Variants in PDCL3 observed in about 807,000 individuals in gnomAD.
PDCL3 encodes the protein phosducin like 3.
Under a neutral mutation model 26.5 loss-of-function variants are expected in PDCL3, and 22 were observed. The ratio of observed to expected loss-of-function variants is 0.83; its 90% CI spans 0.59 to 1.19. The LOEUF (loss-of-function observed/expected upper bound fraction) is 1.19. Among genes scored for constraint, PDCL3 ranks in the 50% most tolerant of loss-of-function variants. The pLI is 0.00. For missense variants in PDCL3, 246 were observed against 294.1 expected (o/e 0.84, Z 1.20); for synonymous variants, 81 against 104.9 (o/e 0.77, Z 1.39).
intron 5 of PDCL3, 120 bp downstream of exon 5, chr2:100,571,918 A>ATGAGTGACTGTGTG (rs1675184617): frequency 1.2e-5 from 11 of 913,154 alleles, no homozygotes; most frequent in Non-Finnish European, 1.9e-5. Flanking sequence ...CTGCCTGTGT[A>ATGAGTGACTGTGTG]TGAGGACGGA....
At chr2:100,566,657 T>A (rs1458257243) in intron 2 of PDCL3, 28 bp downstream of exon 2, 1 of 1,612,496 alleles carries the variant, frequency 6.2e-7, no homozygotes, top group East Asian at 2.2e-5. Flanking sequence ...CCTCTGCACC[T>A]GTCTGGGTTA....
chr2:100,569,822 C>A (rs778538197), intron 4 of PDCL3, 101 bp downstream of exon 4: 87 of 1,377,536 alleles, frequency 6.3e-5, no homozygotes, highest in Non-Finnish European at 8.2e-5. Context: ...ATTTTTTTTT[C>A]TGGGCCAGGC....
intron 5 of PDCL3, among the ~76,000 whole-genome samples, chr2:100,574,454 T>A (rs1468679995): frequency 7.9e-5 from 12 of 152,008 alleles, no homozygotes; most frequent in Non-Finnish European, 1.6e-4. Flanking sequence ...TTTTTTTTTT[T>A]ACCCAGCATG....
intron 5 of PDCL3, among the ~76,000 whole-genome samples, chr2:100,573,913 T>G (rs1256340054): frequency 2.0e-5 from 3 of 152,172 alleles, no homozygotes; most frequent in African/African-American, 4.8e-5. Flanking sequence ...AACTTACATA[T>G]AACGATTGCT....
Position 100,566,509 on chromosome 2 carries a change from A to G in PDCL3, c.13A>G (p.Asn5Asp), listed in dbSNP as rs1370337871. MQDP[N>D]ADTEWNDILR... ...CTTGGTCCCGCTCTTCTAGGACCCC[A>G]ACGCAGACACTGAATGGAATGACAT... The change falls in exon 2 of 6, where the codon AAC becomes GAC. Residue 5 changes from asparagine (N) to aspartate (D), a missense_variant. Physicochemically the swap from Asn to Asp is conservative, Grantham distance 23 (BLOSUM62 1). Transcript: ENST00000264254. The G allele has an allele frequency of 6.2e-7, 1 of 1,612,288 alleles. No homozygotes were observed. The highest frequency in any genetic ancestry group is 8.5e-7 in the Non-Finnish European group (1 of 1,179,804).
intron 4 of PDCL3, among the ~76,000 whole-genome samples, chr2:100,570,096 C>T (rs1385227308): frequency 2.0e-5 from 3 of 152,002 alleles, no homozygotes; most frequent in Non-Finnish European, 4.4e-5. Flanking sequence ...GGCGACAGAG[C>T]GAGACTTTGT....
intron 5 of PDCL3, among the ~76,000 whole-genome samples, chr2:100,574,056 TGCAGTAGCA>T (rs1348567972): frequency 2.6e-5 from 4 of 152,196 alleles, no homozygotes; most frequent in Admixed American, 2.6e-4. Flanking sequence ...CAGGCTGGAG[TGCAGTAGCA>T]CTATCTTGGC....
chr2:100,564,903 G>C (rs972678952), intron 1 of PDCL3, among the ~76,000 whole-genome samples: 2 of 152,168 alleles, frequency 1.3e-5, no homozygotes, highest in African/African-American at 4.8e-5. Context: ...TGAGGATTCA[G>C]GGACAAGGTA....
intron 5 of PDCL3, among the ~76,000 whole-genome samples, chr2:100,574,432 C>T (rs984050068): frequency 4.6e-5 from 7 of 150,574 alleles, no homozygotes; most frequent in South Asian, 4.2e-4. Context: ...TACTCATCTT[C>T]GTGGAACACT....
chr2:100,565,009 C>G (rs546464514), intron 1 of PDCL3, among the ~76,000 whole-genome samples: 1 of 152,322 alleles, frequency 6.6e-6, no homozygotes, highest in East Asian at 1.9e-4. Flanking sequence ...ATTCTGTCAG[C>G]CAAGCCTCAT....
At chr2:100,574,856 T>C (rs1468248061) in intron 5 of PDCL3, among the ~76,000 whole-genome samples, 2 of 152,158 alleles carry the variant, frequency 1.3e-5, no homozygotes, top group Non-Finnish European at 2.9e-5. Context: ...AATCCTAGCA[T>C]GTTGGGAAGC....
At chr2:100,569,432 T>C in intron 3 of PDCL3, 146 bp from the exon 4 acceptor site, 1 of 943,638 alleles carries the variant, frequency 1.1e-6, no homozygotes, top group East Asian at 2.8e-5. Flanking sequence ...TGCAATTAAA[T>C]AATATTGTGA....
Position 100,566,400 on chromosome 2 carries a change from C to T in PDCL3, c.7-103C>T, listed in dbSNP as rs189078232. 2.9e-5 allele frequency: 40 copies of T among 1,384,152 alleles called. No homozygotes were observed. The African/African-American group carries it at 5.7e-4, about 20-fold the overall frequency. 85.7% of individuals were successfully genotyped at this position (1,384,152 alleles called of 1,614,324 possible). ...CAGAAATAGTTCACAGACTGGTGTG[C>T]ATTCCTCCCTTCCTGTCACTTTTCC... On this transcript the variant is annotated intron_variant, in intron 1 of 5. Transcript: ENST00000264254.
intron 5 of PDCL3, among the ~76,000 whole-genome samples, chr2:100,573,401 C>T (rs559546156): frequency 1.3e-5 from 2 of 151,972 alleles, no homozygotes; most frequent in East Asian, 1.9e-4. Context: ...CGGCCGGGTG[C>T]GGTGGCTCAT....
At chr2:100,572,617 A>C (rs991381281) in intron 5 of PDCL3, among the ~76,000 whole-genome samples, 1 of 152,058 alleles carries the variant, frequency 6.6e-6, no homozygotes, top group African/African-American at 2.4e-5. Context: ...CCCCAGGTTC[A>C]AGTGATTCTC....
intron 1 of PDCL3, among the ~76,000 whole-genome samples, chr2:100,564,523 C>G (rs1168807279): frequency 2.0e-5 from 3 of 152,082 alleles, no homozygotes; most frequent in Non-Finnish European, 4.4e-5. Context: ...GTCTCGATCT[C>G]CTGACCTGGT....
At chr2:100,563,234 G>A in intron 1 of PDCL3, 161 bp downstream of exon 1, 3 of 875,404 alleles carry the variant, frequency 3.4e-6, no homozygotes, top group South Asian at 4.1e-5. Context: ...TGCGGGAGGC[G>A]GGCGTGGTCC....
chr2:100,567,459 G>A (rs188281813), intron 2 of PDCL3, among the ~76,000 whole-genome samples: 11 of 152,316 alleles, frequency 7.2e-5, no homozygotes, highest in African/African-American at 2.6e-4. Context: ...ACTAGAAAGG[G>A]TTGGAGGAGA....
chr2:100,566,905 A>G (rs1305184072), intron 2 of PDCL3, among the ~76,000 whole-genome samples: 1 of 152,236 alleles, frequency 6.6e-6, no homozygotes, highest in Non-Finnish European at 1.5e-5. Context: ...TGATAATGTC[A>G]TGGAAATTTG....
Sources: gnomAD v4.1 joint callset for allele counts (sites outside exome capture counted in the v4.1 genomes callset) on GRCh38, gnomAD v4.1.1 for gene constraint, MANE v1.5 for transcripts, NCBI Gene and HGNC (gene_info 2026-07-23, HGNC 2026-07-21) for gene names.